Variants in MAP1B observed in about 807,000 individuals in gnomAD.
The protein encoded by MAP1B is microtubule-associated protein 1B.
MAP1B carries 12 observed loss-of-function variants against 176.1 expected under a neutral mutation model. The ratio of observed to expected loss-of-function variants is 0.07; its 90% CI spans 0.04 to 0.11. The LOEUF (loss-of-function observed/expected upper bound fraction) is 0.11, where lower values mean the gene tolerates loss of function less well. Among genes scored for constraint, MAP1B ranks in the 10% least tolerant of loss-of-function variants. The pLI is 1.00. For missense variants in MAP1B, 2,523 were observed against 2,990.5 expected (o/e 0.84, Z 3.65); for synonymous variants, 1,044 against 1,135.0 (o/e 0.92, Z 1.61).
At position 72,196,133 on chromosome 5, in the gene MAP1B, T is replaced by A; in HGVS notation, c.2778T>A (p.Phe926Leu). The change falls in exon 5 of 7, where the codon TTT becomes TTA. Residue 926 changes from phenylalanine (F) to leucine (L), a missense_variant. By Grantham distance (22) the Phe-to-Leu change is conservative (BLOSUM62 0). Coordinates refer to ENST00000296755, the MANE Select transcript of MAP1B (RefSeq NM_005909.5). This position sits in a 1 kb window ranked among gnomAD's most constrained non-coding sequence, Gnocchi z 5.3. Reference protein sequence around the residue: ...EKQGVDDIEKFEDEGAGFEES... With the variant: ...EKQGVDDIEKLEDEGAGFEES... ...AGGGAGTAGACGACATTGAAAAATT[T>A]GAAGATGAAGGAGCCGGTTTTGAAG... The A allele has an allele frequency of 6.2e-7, 1 of 1,613,356 alleles. No individual in the cohort carries two copies. The highest frequency in any genetic ancestry group is 2.2e-5 in the East Asian group (1 of 44,860).
Position 72,186,656 on chromosome 5 carries a change from G to C in MAP1B, c.412G>C (p.Val138Leu), listed in dbSNP as rs147013566. Residue 138 changes from valine to leucine, a missense_variant, in exon 4 of 7, where the codon GTG becomes CTG. This residue lies in a region of MAP1B where 307 missense variants were observed against 438.4 expected (regional missense o/e 0.70). Transcript: ENST00000296755. The surrounding 1 kb of genome is among the most constrained non-coding windows in gnomAD (Gnocchi z 4.3). ...TGATGCTGCCCGACACAAGCTGCTC[G>C]TGCTGACCGGGCAGTGCTTTGAAAA... The part of the protein sequence containing the change: ...ITDAARHKLL[V>L]LTGQCFENTG... 1 of 1,614,216 alleles carries C rather than the reference G, an allele frequency of 6.2e-7. No homozygotes were observed. Among genetic ancestry groups the C allele is most frequent in the East Asian group, 2.2e-5 (1 of 44,886 alleles).
intron 2 of MAP1B, among the ~76,000 whole-genome samples, chr5:72,128,257 G>A (rs114499171): frequency 0.025 from 3,794 of 152,192 alleles, 88 homozygotes; most frequent in Non-Finnish European, 0.039. Context: ...GATTAGTAGC[G>A]ATTTCTTATC....
intron 5 of MAP1B, 130 bp downstream of exon 5, chr5:72,200,497 T>C: frequency 8.5e-7 from 1 of 1,179,278 alleles, no homozygotes; most frequent in Non-Finnish European, 1.2e-6. Flanking sequence ...ACCTTCCCTG[T>C]ACTCTTCTCC....
chr5:72,186,847 A>C lies in MAP1B; in HGVS notation c.510+93A>C. On this transcript the variant is annotated intron_variant, in intron 4 of 6. Transcript: ENST00000296755. This position sits in a 1 kb window ranked among gnomAD's most constrained non-coding sequence, Gnocchi z 4.3. ...ACTGGGGGAGACAAAAGAAGAAGGG[A>C]GGGAACCTCACAGCTCTCCTGAAAT... is the stretch of plus-strand genomic sequence containing the variant. 6.9e-7 allele frequency: 1 copy of C among 1,456,232 alleles called. No individual in the cohort carries two copies. Among genetic ancestry groups the C allele is most frequent in the Non-Finnish European group, 9.5e-7 (1 of 1,055,190 alleles). The allele number at this position is 1,456,232 out of a possible 1,614,324, so 90.2% of individuals were successfully genotyped here. A position where few individuals can be genotyped will look rare whatever the true frequency, so the allele number is the denominator to read the frequency against.
chr5:72,199,936 C>A lies in MAP1B; in HGVS notation c.6581C>A (p.Thr2194Lys), dbSNP rs746663170. The change falls in exon 5 of 7, where the codon ACG becomes AAG. Residue 2194 changes from threonine to lysine, a missense_variant. Physicochemically the swap from Thr to Lys is moderately conservative, Grantham distance 78. Around this residue, in one of 4 missense-constraint regions of MAP1B, gnomAD observed 287 missense variants for 401.5 expected, o/e 0.71. Transcript: ENST00000296755. The surrounding 1 kb of genome is among the most constrained non-coding windows in gnomAD (Gnocchi z 4.2). ...ACCATCCCCACAGACAAAACTGTCA[C>A]GTACAAACACATGGACCCACCTCCA... Reference protein sequence around the residue: ...SETIPTDKTVTYKHMDPPPAP... With the variant: ...SETIPTDKTVKYKHMDPPPAP... 1 of 1,614,072 alleles carries A rather than the reference C, an allele frequency of 6.2e-7. No individual in the cohort carries two copies. The highest frequency in any genetic ancestry group is 1.3e-5 in the African/African-American group (1 of 74,932).
At chr5:72,181,987 G>A (rs1225947475) in intron 2 of MAP1B, among the ~76,000 whole-genome samples, 1 of 148,646 alleles carries the variant, frequency 6.7e-6, no homozygotes, top group East Asian at 2.0e-4. Context: ...GCCTCCCCAA[G>A]TGCTGGGATT....
At chr5:72,111,562 AACCAAT>A (rs1745341303) in intron 1 of MAP1B, among the ~76,000 whole-genome samples, 1 of 152,238 alleles carries the variant, frequency 6.6e-6, no homozygotes, top group South Asian at 2.1e-4. Flanking sequence ...GGAAATAAGA[AACCAAT>A]ACCATATGTG....
At chr5:72,141,707 A>T (rs1670560591) in intron 2 of MAP1B, among the ~76,000 whole-genome samples, 1 of 152,174 alleles carries the variant, frequency 6.6e-6, no homozygotes, top group South Asian at 2.1e-4. Context: ...GAAATTCCTT[A>T]TATGGAGAGG....
rs149078480 is a variant in MAP1B at position 72,196,098 on chromosome 5, G to A, written c.2743G>A (p.Val915Ile). 1.5e-4 allele frequency: 239 copies of A among 1,614,096 alleles called. No individual in the cohort carries two copies. The highest frequency in any genetic ancestry group is 3.3e-4 in the Middle Eastern group (2 of 6,020). ...ACAGACACCTGAGGAGCTGGAGCCC[G>A]TCGAGAAGCAGGGAGTAGACGACAT... ...CEQTPEELEP[V>I]EKQGVDDIEK... Residue 915 changes from valine (V) to isoleucine (I), a missense_variant, in exon 5 of 7, where the codon GTC becomes ATC. Physicochemically the swap from Val to Ile is conservative, Grantham distance 29. Around this residue, in one of 4 missense-constraint regions of MAP1B, gnomAD observed 1,925 missense variants for 2,126.0 expected, o/e 0.91. Coordinates refer to ENST00000296755, the MANE Select transcript of MAP1B (RefSeq NM_005909.5). The surrounding 1 kb of genome is among the most constrained non-coding windows in gnomAD (Gnocchi z 5.3).
At chr5:72,145,542 A>G (rs1746029320) in intron 2 of MAP1B, among the ~76,000 whole-genome samples, 1 of 152,248 alleles carries the variant, frequency 6.6e-6, no homozygotes, top group Admixed American at 6.5e-5. Context: ...ATGGAGAATA[A>G]TACATGAATC....
Position 72,196,647 on chromosome 5 carries a change from G to A in MAP1B, c.3292G>A (p.Ala1098Thr). The change falls in exon 5 of 7, where the codon GCC becomes ACC. Residue 1098 changes from alanine to threonine, a missense_variant. Around this residue, in one of 4 missense-constraint regions of MAP1B, gnomAD observed 1,925 missense variants for 2,126.0 expected, o/e 0.91. Transcript: ENST00000296755. The surrounding 1 kb of genome is among the most constrained non-coding windows in gnomAD (Gnocchi z 5.3). Reference sequence around the variant, plus strand: ...TTTACCTGGAGGCTCAGAGAGCGAGGCCACCGCTTCTGATGAGGAGAATCG... The same window carrying A: ...TTTACCTGGAGGCTCAGAGAGCGAGACCACCGCTTCTGATGAGGAGAATCG... ...ETLPGGSESE[A>T]TASDEENRED... 1 of 1,614,018 alleles carries A rather than the reference G, an allele frequency of 6.2e-7. No individual in the cohort carries two copies. Among genetic ancestry groups the A allele is most frequent in the Non-Finnish European group, 8.5e-7 (1 of 1,180,024 alleles).
chr5:72,109,397 AGTTT>A (rs1745264661), intron 1 of MAP1B, among the ~76,000 whole-genome samples: 1 of 152,332 alleles, frequency 6.6e-6, no homozygotes, highest in South Asian at 2.1e-4. Flanking sequence ...GTTCTAATTT[AGTTT>A]ATTTGCACAA....
At chr5:72,148,613 C>G (rs1273716027) in intron 2 of MAP1B, among the ~76,000 whole-genome samples, 1 of 152,254 alleles carries the variant, frequency 6.6e-6, no homozygotes, top group Non-Finnish European at 1.5e-5. Context: ...TTCTGTTCAT[C>G]AGACTTGGAG....
At position 72,196,569 on chromosome 5, in the gene MAP1B, C is replaced by G. The variant is rs377582032; in HGVS notation, c.3214C>G (p.Leu1072Val). The change falls in exon 5 of 7, where the codon CTA (leucine) becomes GTA (valine). Residue 1072 changes from leucine to valine, a missense_variant. Around this residue, in one of 4 missense-constraint regions of MAP1B, gnomAD observed 1,925 missense variants for 2,126.0 expected, o/e 0.91. Transcript: ENST00000296755. This position sits in a 1 kb window ranked among gnomAD's most constrained non-coding sequence, Gnocchi z 5.3. ...ATTCCTCACCACACCAACCAAGCAA[C>G]TAGGAGCCCAGTCTCCTGGCCGAGA... ...YGFLTTPTKQ[L>V]GAQSPGREPA... 8 of 1,613,832 alleles carry G rather than the reference C, an allele frequency of 5.0e-6. No individual in the cohort carries two copies. Among genetic ancestry groups the G allele is most frequent in the Non-Finnish European group, 5.9e-6 (7 of 1,180,034 alleles).
At chr5:72,126,074 G>A (rs1238350234) in intron 2 of MAP1B, among the ~76,000 whole-genome samples, 1 of 152,202 alleles carries the variant, frequency 6.6e-6, no homozygotes, top group Non-Finnish European at 1.5e-5. Flanking sequence ...ACTGCCCTGA[G>A]GCTAGAATGG....
intron 2 of MAP1B, among the ~76,000 whole-genome samples, chr5:72,158,744 C>T (rs1048040743): frequency 1.3e-5 from 2 of 152,090 alleles, no homozygotes; most frequent in Non-Finnish European, 2.9e-5. Context: ...TTCTAAGACT[C>T]GTATGTGGTG....
At chr5:72,184,737 C>T (rs1379333082) in intron 3 of MAP1B, among the ~76,000 whole-genome samples, 1 of 152,148 alleles carries the variant, frequency 6.6e-6, no homozygotes, top group Non-Finnish European at 1.5e-5. Context: ...CAGCCAAAGT[C>T]CCTGGGAACC....
chr5:72,183,458 C>T (rs576760200), intron 2 of MAP1B, among the ~76,000 whole-genome samples: 9 of 152,194 alleles, frequency 5.9e-5, no homozygotes, highest in Non-Finnish European at 1.0e-4. Context: ...AGATGAAAAC[C>T]GCCATTACCG....
At chr5:72,164,056 C>T (rs1746381310) in intron 2 of MAP1B, among the ~76,000 whole-genome samples, 1 of 150,130 alleles carries the variant, frequency 6.7e-6, no homozygotes, top group African/African-American at 2.4e-5. Context: ...CCTCAACATC[C>T]CAAGTAGCTA....
Sources: allele counts gnomAD v4.1 joint callset (sites outside exome capture counted in the v4.1 genomes callset), GRCh38; gene constraint gnomAD v4.1.1; regional missense constraint gnomAD v4.1.1; non-coding constraint Gnocchi (gnomAD v3.1); transcripts MANE v1.5; gene names NCBI Gene and HGNC (gene_info 2026-07-23, HGNC 2026-07-21).